The following NAALADL2 variants were observed in gnomAD, a reference collection of about 807,000 sequenced individuals.
NAALADL2 encodes N-acetylated alpha-linked acidic dipeptidase like 2.
NAALADL2 carries 76 observed loss-of-function variants against 87.2 expected under a neutral mutation model. The observed-to-expected ratio is 0.87, with a 90% CI of 0.72 to 1.05. NAALADL2 has a LOEUF of 1.05. Ranked by LOEUF, NAALADL2 falls within the 50% of genes least tolerant of loss-of-function variation. The pLI, the probability that NAALADL2 is intolerant of heterozygous loss-of-function variation, is 0.00. For missense variants in NAALADL2, 1,089 were observed against 945.8 expected (o/e 1.15, Z -1.99); for synonymous variants, 354 against 331.0 (o/e 1.07, Z -0.75).
chr3:175,245,108 A>C (rs186917672), intron 3 of NAALADL2, among the ~76,000 whole-genome samples: 1 of 151,878 alleles, frequency 6.6e-6, no homozygotes. Context: ...TTCTCTACAT[A>C]TTTTTCATAA....
chr3:175,584,450 A>G (rs985483567), intron 10 of NAALADL2, among the ~76,000 whole-genome samples: 10 of 152,206 alleles, frequency 6.6e-5, no homozygotes, highest in Non-Finnish European at 1.2e-4. Flanking sequence ...CTAACATTCT[A>G]TCACCAGATT....
At chr3:175,215,512 C>G (rs1318804266) in intron 2 of NAALADL2, among the ~76,000 whole-genome samples, 1 of 152,094 alleles carries the variant, frequency 6.6e-6, no homozygotes, top group South Asian at 2.1e-4. Flanking sequence ...CTGGATTTTC[C>G]TCATTGCCCA....
At chr3:175,247,467 C>T (rs1241124844) in intron 3 of NAALADL2, among the ~76,000 whole-genome samples, 2 of 151,974 alleles carry the variant, frequency 1.3e-5, no homozygotes, top group East Asian at 3.9e-4. Flanking sequence ...GAAAGAAGAC[C>T]TGAAAATGGC....
At chr3:174,743,191 G>A (rs1486729239) in intron 3 of NAALADL2, among the ~76,000 whole-genome samples, 5 of 151,618 alleles carry the variant, frequency 3.3e-5, no homozygotes, top group Admixed American at 2.6e-4. Context: ...TTAGAGTCCC[G>A]ATCTGTCTAT....
At chr3:174,723,069 AT>A (rs1215899298) in intron 2 of NAALADL2, among the ~76,000 whole-genome samples, 1 of 152,104 alleles carries the variant, frequency 6.6e-6, no homozygotes, top group East Asian at 1.9e-4. Context: ...TAAAAAATAA[AT>A]TCCATATTGT....
intron 11 of NAALADL2, among the ~76,000 whole-genome samples, chr3:175,658,599 A>G (rs992529540): frequency 2.6e-5 from 4 of 152,164 alleles, no homozygotes; most frequent in African/African-American, 4.8e-5. Flanking sequence ...AAGGAACAAC[A>G]AACAATCAGT....
intron 3 of NAALADL2, among the ~76,000 whole-genome samples, chr3:175,256,126 C>A (rs1280531834): frequency 6.6e-6 from 1 of 152,004 alleles, no homozygotes; most frequent in Non-Finnish European, 1.5e-5. Context: ...TGTAGAATAT[C>A]CCAAATGTCT....
chr3:174,757,706 T>C (rs552520501), intron 3 of NAALADL2, among the ~76,000 whole-genome samples: 1 of 152,050 alleles, frequency 6.6e-6, no homozygotes, highest in Non-Finnish European at 1.5e-5. Flanking sequence ...GGTTTCACCA[T>C]ATTGGCCAGG....
intron 8 of NAALADL2, 92 bp from the exon 9 acceptor site, chr3:175,471,547 G>A: frequency 1.5e-6 from 1 of 685,300 alleles, no homozygotes; most frequent in African/African-American, 1.9e-5. Flanking sequence ...TTTTAAGTAT[G>A]AAATGAAATG....
chr3:174,566,651 T>G (rs1356635898), intron 2 of NAALADL2, among the ~76,000 whole-genome samples: 1 of 151,816 alleles, frequency 6.6e-6, no homozygotes, highest in Non-Finnish European at 1.5e-5. Context: ...TTTCCCTTAT[T>G]TTTCTATCTT....
intron 3 of NAALADL2, among the ~76,000 whole-genome samples, chr3:174,806,019 A>C (rs557667844): frequency 6.6e-6 from 1 of 152,184 alleles, no homozygotes; most frequent in Non-Finnish European, 1.5e-5. Flanking sequence ...ACTAACTGTC[A>C]TGGAAATTTA....
chr3:175,479,372 C>T (rs771261190), intron 9 of NAALADL2, among the ~76,000 whole-genome samples: 2 of 151,754 alleles, frequency 1.3e-5, no homozygotes, highest in Non-Finnish European at 3.0e-5. Flanking sequence ...CAAAGTAGAA[C>T]CTTCAGTATG....
intron 4 of NAALADL2, among the ~76,000 whole-genome samples, chr3:175,307,494 A>C (rs943648678): frequency 1.3e-5 from 2 of 152,310 alleles, no homozygotes; most frequent in South Asian, 4.1e-4. Context: ...AGACATAAAT[A>C]TGAAACATGC....
chr3:175,342,907 G>A (rs757286805), intron 5 of NAALADL2, among the ~76,000 whole-genome samples: 18 of 151,892 alleles, frequency 1.2e-4, no homozygotes, highest in Non-Finnish European at 2.2e-4. Flanking sequence ...AATACAATAT[G>A]GTACCAATCA....
Position 174,549,460 on chromosome 3 carries a change from G to C in NAALADL2, c.-183-1109G>C, listed in dbSNP as rs540574904. 4.6e-5 allele frequency among the ~76,000 whole-genome samples: 7 copies of C among 152,218 alleles called. No homozygotes were observed. In the South Asian group the frequency reaches 1.5e-3, roughly 32 times the overall value. On this transcript the variant is annotated intron_variant, in intron 1 of 3. Transcript: ENST00000434257. Reference sequence around the variant, plus strand: ...TGATAGCTTGATATAAAATCACCTGGTGTCAATTAAATATGCAAATCTATC... The same window carrying C: ...TGATAGCTTGATATAAAATCACCTGCTGTCAATTAAATATGCAAATCTATC...
intron 3 of NAALADL2, among the ~76,000 whole-genome samples, chr3:174,819,319 C>T (rs1335678217): frequency 6.6e-6 from 1 of 151,768 alleles, no homozygotes; most frequent in Non-Finnish European, 1.5e-5. Flanking sequence ...CCTTCCTGGG[C>T]CTCCCAAAGT....
At position 174,679,836 on chromosome 3, in the gene NAALADL2, G is replaced by T. The variant is rs184684485; in HGVS notation, c.-114-57805G>T. Among the ~76,000 whole-genome samples, 277 of 152,238 alleles carry T rather than the reference G, an allele frequency of 1.8e-3. 1 individual carries two copies. Among genetic ancestry groups the T allele is most frequent in the African/African-American group, 6.2e-3 (258 of 41,548 alleles). On this transcript the variant is annotated intron_variant, in intron 2 of 3. Transcript: ENST00000434257. ...TATTTTGTATTCCTGCTTATGATTA[G>T]AAATTTCTTTAGGGAGAAGATATAA...
intron 2 of NAALADL2, among the ~76,000 whole-genome samples, chr3:175,138,318 A>G (rs1393569917): frequency 6.6e-6 from 1 of 152,186 alleles, no homozygotes; most frequent in Non-Finnish European, 1.5e-5. Context: ...GTCATAGGCA[A>G]TCTCCTAGAG....
chr3:174,853,433 A>G (rs1020523863), intron 3 of NAALADL2, among the ~76,000 whole-genome samples: 1 of 151,566 alleles, frequency 6.6e-6, no homozygotes, highest in African/African-American at 2.4e-5. Context: ...ATGAAATTGC[A>G]AAAAGAAAAC....
Sources: allele counts gnomAD v4.1 joint callset (sites outside exome capture counted in the v4.1 genomes callset), GRCh38; gene constraint gnomAD v4.1.1; transcripts MANE v1.5; gene names NCBI Gene and HGNC (gene_info 2026-07-23, HGNC 2026-07-21).